The following CPXM2 variants were observed in gnomAD, a reference collection of about 807,000 sequenced individuals.
The protein encoded by CPXM2 is inactive carboxypeptidase-like protein X2.
In CPXM2, 66 loss-of-function variants were observed where a neutral mutation model predicts 86.1. The observed-to-expected ratio is 0.77, with a 90% CI of 0.63 to 0.94. CPXM2 has a LOEUF of 0.94. CPXM2 is among the 40% of genes least tolerant of loss of function. The pLI, the probability that CPXM2 is intolerant of heterozygous loss-of-function variation, is 0.00. For synonymous variants in CPXM2, 388 were observed against 400.2 expected (o/e 0.97, Z 0.36); for missense variants, 948 against 1,026.3 (o/e 0.92, Z 1.04).
At chr10:123,936,393 T>G (rs535505138) in intron 2 of CPXM2, among the ~76,000 whole-genome samples, 32 of 152,156 alleles carry the variant, frequency 2.1e-4, no homozygotes, top group Non-Finnish European at 4.6e-4. Context: ...ATTCCAGAAG[T>G]GTCTGCAGCT....
chr10:123,806,949 A>G (rs1426100628), intron 4 of CPXM2, among the ~76,000 whole-genome samples: 2 of 152,148 alleles, frequency 1.3e-5, no homozygotes, highest in African/African-American at 2.4e-5. Context: ...CCAAACTGAA[A>G]TTCTAGTTCT....
intron 13 of CPXM2, 122 bp from the exon 14 acceptor site, chr10:123,747,139 C>A (rs775278145): frequency 1.4e-5 from 16 of 1,181,316 alleles, no homozygotes; most frequent in Non-Finnish European, 1.7e-5. Context: ...ACGTGGAATC[C>A]GAGCTCCTGC....
chr10:123,771,905 T>C (rs1323975537), intron 7 of CPXM2, among the ~76,000 whole-genome samples: 1 of 152,216 alleles, frequency 6.6e-6, no homozygotes. Context: ...ATTATAAGTT[T>C]CCTGAGGCCT....
At chr10:123,796,470 A>G (rs528851614) in intron 6 of CPXM2, among the ~76,000 whole-genome samples, 37 of 152,300 alleles carry the variant, frequency 2.4e-4, no homozygotes, top group Non-Finnish European at 3.8e-4. Flanking sequence ...AACTTGCACA[A>G]TCGAATAAGT....
chr10:123,907,776 G>T (rs562906949), intron 2 of CPXM2, among the ~76,000 whole-genome samples: 139 of 152,264 alleles, frequency 9.1e-4, no homozygotes, highest in African/African-American at 3.1e-3. Flanking sequence ...CGCCCACCCA[G>T]ATGTACACTG....
intron 2 of CPXM2, among the ~76,000 whole-genome samples, chr10:123,900,004 C>A (rs1945367970): frequency 6.6e-6 from 1 of 152,116 alleles, no homozygotes; most frequent in Non-Finnish European, 1.5e-5. Context: ...AATGAACAGG[C>A]AGATAACATA....
At chr10:123,923,409 T>C (rs2885655) in intron 2 of CPXM2, among the ~76,000 whole-genome samples, 101,329 of 142,110 alleles carry the variant, frequency 0.71, 35,755 homozygotes, top group East Asian at 0.87. Flanking sequence ...TGAAACCCCG[T>C]CTCTACTAAA....
chr10:123,902,119 G>A (rs1454515852), intron 2 of CPXM2, among the ~76,000 whole-genome samples: 1 of 152,214 alleles, frequency 6.6e-6, no homozygotes, highest in Admixed American at 6.5e-5. Context: ...CTTATTGGGG[G>A]TGAAGGGTGT....
At chr10:123,828,193 AG>A (rs1848087514) in intron 4 of CPXM2, among the ~76,000 whole-genome samples, 1 of 152,178 alleles carries the variant, frequency 6.6e-6, no homozygotes, top group South Asian at 2.1e-4. Context: ...AAAGAAAAAA[AG>A]TTAAAGAAAG....
At chr10:123,820,730 C>A (rs1030648387) in intron 4 of CPXM2, among the ~76,000 whole-genome samples, 1 of 152,194 alleles carries the variant, frequency 6.6e-6, no homozygotes, top group African/African-American at 2.4e-5. Context: ...CACCCACATT[C>A]CCTGGCTGGT....
chr10:123,836,794 C>T (rs1457008334), intron 4 of CPXM2, among the ~76,000 whole-genome samples: 1 of 152,204 alleles, frequency 6.6e-6, no homozygotes, highest in Non-Finnish European at 1.5e-5. Context: ...GAACTTCCTC[C>T]TTTTCAGGTG....
At position 123,799,086 on chromosome 10, in the gene CPXM2, G is replaced by C. The variant is rs748354759; in HGVS notation, c.738+29C>G. Reference sequence around the variant, plus strand: ...AAAACCCCACCCAGCCAGGAAGAAAGGCATGGTTAAATGGAGGATGAGACT... The same window carrying C: ...AAAACCCCACCCAGCCAGGAAGAAACGCATGGTTAAATGGAGGATGAGACT... On this transcript the variant is annotated intron_variant, in intron 5 of 13. Transcript: ENST00000241305. The C allele has an allele frequency of 9.3e-6, 15 of 1,612,658 alleles. No individual in the cohort carries two copies. The African/African-American group carries it at 2.0e-4, about 22-fold the overall frequency.
intron 3 of CPXM2, among the ~76,000 whole-genome samples, chr10:123,850,926 A>G (rs1177437228): frequency 6.6e-6 from 1 of 152,218 alleles, no homozygotes; most frequent in Non-Finnish European, 1.5e-5. Flanking sequence ...TTATACTGCC[A>G]AACAGGTTTC....
At chr10:123,758,744 C>G (rs1385740063) in intron 11 of CPXM2, among the ~76,000 whole-genome samples, 1 of 152,168 alleles carries the variant, frequency 6.6e-6, no homozygotes, top group African/African-American at 2.4e-5. Context: ...TGATGATTAG[C>G]AAGCTGCACT....
chr10:123,813,277 A>G (rs565736606), intron 4 of CPXM2, among the ~76,000 whole-genome samples: 7 of 152,256 alleles, frequency 4.6e-5, no homozygotes, highest in Admixed American at 1.3e-4. Flanking sequence ...TTCCATACAC[A>G]TGATCTTACT....
At chr10:123,913,346 A>C (rs1354620253) in intron 2 of CPXM2, among the ~76,000 whole-genome samples, 1 of 152,180 alleles carries the variant, frequency 6.6e-6, no homozygotes, top group Non-Finnish European at 1.5e-5. Flanking sequence ...TGTATTCTCC[A>C]AGTAGCATTT....
intron 4 of CPXM2, among the ~76,000 whole-genome samples, chr10:123,801,638 C>T (rs1026019118): frequency 6.6e-6 from 1 of 152,174 alleles, no homozygotes; most frequent in African/African-American, 2.4e-5. Context: ...ATCATGTCAT[C>T]CCTGCTTAAA....
intron 4 of CPXM2, among the ~76,000 whole-genome samples, chr10:123,824,759 G>A (rs1041616840): frequency 2.0e-5 from 3 of 152,184 alleles, no homozygotes; most frequent in African/African-American, 7.2e-5. Context: ...AACTTCAAGG[G>A]ATGTGGTAGG....
chr10:123,863,526 C>A (rs1390251524), intron 2 of CPXM2, among the ~76,000 whole-genome samples: 1 of 152,210 alleles, frequency 6.6e-6, no homozygotes, highest in Non-Finnish European at 1.5e-5. Context: ...GCCCTCACAC[C>A]TTCCAGGCCT....
Sources: allele counts gnomAD v4.1 joint callset (sites outside exome capture counted in the v4.1 genomes callset), GRCh38; gene constraint gnomAD v4.1.1; transcripts MANE v1.5; gene names NCBI Gene and HGNC (gene_info 2026-07-23, HGNC 2026-07-21).